The following BCL7B variants were observed in gnomAD, a reference collection of about 807,000 sequenced individuals.
BCL7B encodes B-cell CLL/lymphoma 7 protein family member B.
Under a neutral mutation model 26.5 loss-of-function variants are expected in BCL7B, and 11 were observed. The ratio of observed to expected loss-of-function variants is 0.42; its 90% CI spans 0.26 to 0.69. The LOEUF (loss-of-function observed/expected upper bound fraction) is 0.69. BCL7B is among the 30% of genes least tolerant of loss of function. The pLI is 0.28. For missense variants in BCL7B, 215 were observed against 264.4 expected (o/e 0.81, Z 1.30); for synonymous variants, 111 against 107.9 (o/e 1.03, Z -0.18).
At chr7:73,546,355 A>G (rs1474174600) in intron 2 of BCL7B, among the ~76,000 whole-genome samples, 1 of 152,118 alleles carries the variant, frequency 6.6e-6, no homozygotes, top group Non-Finnish European at 1.5e-5. Flanking sequence ...GCTCAGAAAG[A>G]TAAGGATAAT....
chr7:73,548,214 G>A (rs535914916), intron 2 of BCL7B, among the ~76,000 whole-genome samples: 2 of 152,080 alleles, frequency 1.3e-5, no homozygotes, highest in Non-Finnish European at 2.9e-5. Context: ...CAGAACACGA[G>A]CTCAGGAGAT....
intron 2 of BCL7B, among the ~76,000 whole-genome samples, chr7:73,549,494 T>A (rs1792076368): frequency 6.6e-6 from 1 of 152,000 alleles, no homozygotes; most frequent in African/African-American, 2.4e-5. Context: ...TGGGCAACAA[T>A]GAGACCCCCC....
chr7:73,553,322 G>A (rs782049832), intron 1 of BCL7B, among the ~76,000 whole-genome samples: 1 of 152,044 alleles, frequency 6.6e-6, no homozygotes, highest in Non-Finnish European at 1.5e-5. Flanking sequence ...GGTATGGCCT[G>A]GTGGGTGTGA....
intron 1 of BCL7B, 136 bp downstream of exon 1, chr7:73,557,351 G>A: frequency 8.5e-7 from 1 of 1,180,498 alleles, no homozygotes; most frequent in Non-Finnish European, 1.1e-6. Context: ...GACGCCAGCG[G>A]CGCCCTCCTC....
At chr7:73,554,380 T>A (rs1792285853) in intron 1 of BCL7B, among the ~76,000 whole-genome samples, 1 of 152,040 alleles carries the variant, frequency 6.6e-6, no homozygotes, top group South Asian at 2.1e-4. Context: ...AAGGGTCAAA[T>A]GCAGGGAACT....
At chr7:73,553,125 G>A (rs937586629) in intron 1 of BCL7B, among the ~76,000 whole-genome samples, 3 of 149,132 alleles carry the variant, frequency 2.0e-5, no homozygotes, top group Admixed American at 2.0e-4. Context: ...GGGTGGTGGG[G>A]TGGGGGTGGG....
intron 5 of BCL7B, 24 bp downstream of exon 5, chr7:73,537,910 G>C: frequency 6.4e-7 from 1 of 1,550,718 alleles, no homozygotes; most frequent in Middle Eastern, 1.7e-4. Context: ...ACAAAAAACT[G>C]GAAAACTCAA....
chr7:73,543,324 G>A (rs1378565063), intron 3 of BCL7B, among the ~76,000 whole-genome samples: 15 of 151,864 alleles, frequency 9.9e-5, no homozygotes, highest in South Asian at 4.2e-4. Flanking sequence ...TTACAGGCAC[G>A]CGCCACCACG....
intron 1 of BCL7B, among the ~76,000 whole-genome samples, chr7:73,555,243 C>A (rs528459649): frequency 6.6e-6 from 1 of 151,822 alleles, no homozygotes; most frequent in Non-Finnish European, 1.5e-5. Context: ...CCGGTCTCCA[C>A]AAAAATACAA....
At chr7:73,553,680 AAAAG>A (rs1212366170) in intron 1 of BCL7B, 2 of 154,512 alleles carry the variant, frequency 1.3e-5, no homozygotes, top group Non-Finnish European at 1.5e-5. Flanking sequence ...CTCAAAAAAA[AAAAG>A]AAAGAAAACT....
At chr7:73,551,496 G>T (rs1272223136) in intron 2 of BCL7B, among the ~76,000 whole-genome samples, 1 of 151,982 alleles carries the variant, frequency 6.6e-6, no homozygotes, top group African/African-American at 2.4e-5. Context: ...AGAGACAGGG[G>T]TTGCACTATG....
In BCL7B at chr7:73,539,885, C is replaced by T. The variant is rs1554582602; in HGVS notation, c.433G>A (p.Glu145Lys). Residue 145 changes from glutamate (E) to lysine (K), a missense_variant, in exon 4 of 6, where the codon GAG (glutamate) becomes AAG (lysine). By Grantham distance (56) the Glu-to-Lys change is moderately conservative. Transcript: ENST00000223368. Reference sequence around the variant, plus strand: ...TCCTCGGCCAACCACGACTCACCCTCCAGGATCTCCTGGCCCAGCGTTGGG... The same window carrying T: ...TCCTCGGCCAACCACGACTCACCCTTCAGGATCTCCTGGCCCAGCGTTGGG... ...QPPTLGQEIL[E>K]EPSLPSSEVA... The T allele has an allele frequency of 6.2e-7, 1 of 1,613,094 alleles. No homozygotes were observed. Among genetic ancestry groups the T allele is most frequent in the South Asian group, 1.1e-5 (1 of 91,056 alleles).
chr7:73,542,156 GTCC>G (rs1554582955), intron 3 of BCL7B, among the ~76,000 whole-genome samples: 1 of 152,208 alleles, frequency 6.6e-6, no homozygotes, highest in African/African-American at 2.4e-5. Context: ...TGGCTCACTT[GTCC>G]TTGACTCCCC....
intron 2 of BCL7B, among the ~76,000 whole-genome samples, chr7:73,546,994 T>G (rs951414136): frequency 4.0e-5 from 6 of 150,456 alleles, no homozygotes; most frequent in Admixed American, 6.6e-5. Context: ...AGAAACCCCA[T>G]CTCTACTAAA....
Position 73,557,659 on chromosome 7 carries a change from C to A in BCL7B, c.-81G>T. 1 of 802,700 alleles carries A rather than the reference C, an allele frequency of 1.2e-6. No individual in the cohort carries two copies. Among genetic ancestry groups the A allele is most frequent in the South Asian group, 5.8e-5 (1 of 17,340 alleles). The allele number at this position is 802,700 out of a possible 1,614,324, so 49.7% of individuals were successfully genotyped here. ...CGCGCCTCACGCGCCGCCGCCCGCCCGCCGCCGCCGCAGCGTCACAGCGGC... is the reference window on the plus strand; with the variant it reads ...CGCGCCTCACGCGCCGCCGCCCGCCAGCCGCCGCCGCAGCGTCACAGCGGC... On this transcript the variant is annotated 5_prime_UTR_variant, in exon 1 of 6. Transcript: ENST00000223368.
At chr7:73,543,357 T>C (rs1791840018) in intron 3 of BCL7B, among the ~76,000 whole-genome samples, 191 bp downstream of exon 3, 1 of 152,036 alleles carries the variant, frequency 6.6e-6, no homozygotes, top group Non-Finnish European at 1.5e-5. Context: ...TTTGTATTTT[T>C]AGTAGAGACT....
intron 2 of BCL7B, among the ~76,000 whole-genome samples, chr7:73,546,338 T>C (rs774054287): frequency 2.0e-5 from 3 of 151,950 alleles, no homozygotes; most frequent in Non-Finnish European, 4.4e-5. Context: ...AAATTAAACA[T>C]GGATTTGCTC....
chr7:73,555,285 T>C (rs1022075420), intron 1 of BCL7B, among the ~76,000 whole-genome samples: 12 of 151,320 alleles, frequency 7.9e-5, no homozygotes, highest in Non-Finnish European at 1.5e-4. Flanking sequence ...TGTACACTTA[T>C]AATCAGCTAC....
At chr7:73,557,096 C>T (rs1792387941) in intron 1 of BCL7B, 1 of 991,470 alleles carries the variant, frequency 1.0e-6, no homozygotes, top group Admixed American at 6.1e-5. Context: ...GACACCACTC[C>T]AGGGCTACTC....
Sources: gnomAD v4.1 joint callset for allele counts (sites outside exome capture counted in the v4.1 genomes callset) on GRCh38, gnomAD v4.1.1 for gene constraint, MANE v1.5 for transcripts, NCBI Gene and HGNC (gene_info 2026-07-23, HGNC 2026-07-21) for gene names.